The following SLIT3 variants were observed in gnomAD, a reference collection of about 807,000 sequenced individuals.
The protein encoded by SLIT3 is slit guidance ligand 3.
Under a neutral mutation model 184.0 loss-of-function variants are expected in SLIT3, and 68 were observed. That is an observed-to-expected ratio of 0.37 (90% CI 0.30 to 0.45). The LOEUF (loss-of-function observed/expected upper bound fraction) is 0.45. Ranked by LOEUF, SLIT3 falls within the 20% of genes least tolerant of loss-of-function variation. SLIT3 has a pLI of 1.00. For missense variants in SLIT3, 1,707 were observed against 2,026.0 expected (o/e 0.84, Z 3.02); for synonymous variants, 831 against 828.6 (o/e 1.00, Z -0.05).
At chr5:169,029,841 G>A (rs1313428258) in intron 4 of SLIT3, among the ~76,000 whole-genome samples, 1 of 152,088 alleles carries the variant, frequency 6.6e-6, no homozygotes, top group Non-Finnish European at 1.5e-5. Context: ...TGTAATTTAG[G>A]GGCAATTAGC....
At chr5:169,116,402 C>A (rs750996832) in intron 4 of SLIT3, among the ~76,000 whole-genome samples, 1 of 152,024 alleles carries the variant, frequency 6.6e-6, no homozygotes, top group Non-Finnish European at 1.5e-5. Context: ...GTTAGGACTT[C>A]ATCATTGGCA....
At chr5:168,937,381 T>C (rs537652665) in intron 4 of SLIT3, among the ~76,000 whole-genome samples, 92 of 152,196 alleles carry the variant, frequency 6.0e-4, no homozygotes, top group African/African-American at 2.0e-3. Context: ...GGGAAATGAA[T>C]TGAACGAAGA....
chr5:169,161,982 G>A (rs573847020), intron 4 of SLIT3, among the ~76,000 whole-genome samples: 222 of 143,606 alleles, frequency 1.5e-3, no homozygotes, highest in African/African-American at 5.3e-3. Context: ...GTGCCAACAC[G>A]TGTTTAGCAC....
At position 168,721,097 on chromosome 5, in the gene SLIT3, A is replaced by C. The variant is rs1006697391; in HGVS notation, c.2483+1159T>G. ...GTTAGACGAAGAAAACTGTCCCATA[A>C]AATATGTTGATCACTATTATAGTAA... On this transcript the variant is annotated intron_variant, in intron 23 of 35. Coordinates refer to ENST00000519560, the MANE Select transcript of SLIT3 (RefSeq NM_003062.4). 3.3e-5 allele frequency among the ~76,000 whole-genome samples: 5 copies of C among 152,170 alleles called. No homozygotes were observed. The East Asian group carries it at 9.6e-4, about 29-fold the overall frequency.
At chr5:169,084,707 C>G (rs1413514620) in intron 4 of SLIT3, among the ~76,000 whole-genome samples, 3 of 152,208 alleles carry the variant, frequency 2.0e-5, no homozygotes, top group Non-Finnish European at 2.9e-5. Context: ...GGTCCATACC[C>G]CTGGGTGACA....
chr5:169,187,528 CT>C (rs370443275), intron 4 of SLIT3, among the ~76,000 whole-genome samples: 9 of 150,532 alleles, frequency 6.0e-5, no homozygotes, highest in East Asian at 2.0e-4. Context: ...CAAGGATAAA[CT>C]TTTTTTCTTT....
rs114452127 is a variant in SLIT3 at position 169,115,722 on chromosome 5, C to A, written c.413+77757G>T. On this transcript the variant is annotated intron_variant, in intron 4 of 35. Coordinates refer to ENST00000519560, the MANE Select transcript of SLIT3 (RefSeq NM_003062.4). ...ACCAGAATATCTAATTTAATCCTTACAAGTATTTGTATAAAATGAGAGTCA... is the reference window on the plus strand; with the variant it reads ...ACCAGAATATCTAATTTAATCCTTAAAAGTATTTGTATAAAATGAGAGTCA... Among the ~76,000 whole-genome samples, 589 of 152,280 alleles carry A rather than the reference C, an allele frequency of 3.9e-3. 1 individual carries two copies. The highest frequency in any genetic ancestry group is 6.6e-3 in the Non-Finnish European group (452 of 68,034).
chr5:169,157,128 G>A (rs568760878), intron 4 of SLIT3, among the ~76,000 whole-genome samples: 1 of 152,314 alleles, frequency 6.6e-6, no homozygotes, highest in East Asian at 1.9e-4. Context: ...AGGCCAAGTA[G>A]GGAGCTAGGA....
chr5:168,693,599 A>C (rs1174493654), intron 28 of SLIT3, among the ~76,000 whole-genome samples: 1 of 152,146 alleles, frequency 6.6e-6, no homozygotes. Flanking sequence ...AGGTCAAGCC[A>C]GATGGAGAGT....
At chr5:168,899,803 C>CCAAG (rs1554157677) in intron 4 of SLIT3, among the ~76,000 whole-genome samples, 2 of 28,288 alleles carry the variant, frequency 7.1e-5, no homozygotes, top group Non-Finnish European at 1.9e-4. Flanking sequence ...AACATTGCCC[C>CCAAG]TAAGATGACA....
At chr5:168,899,666 T>C (rs1483055244) in intron 4 of SLIT3, among the ~76,000 whole-genome samples, 2 of 152,228 alleles carry the variant, frequency 1.3e-5, no homozygotes, top group Admixed American at 6.5e-5. Flanking sequence ...ACAGTGATGA[T>C]TGCCATAAAG....
At chr5:168,866,098 A>G (rs17070563) in intron 5 of SLIT3, among the ~76,000 whole-genome samples, 9,424 of 152,226 alleles carry the variant, frequency 0.062, 654 homozygotes, top group African/African-American at 0.17. Context: ...TCTCTACAAG[A>G]TGTGTGGATT....
chr5:169,057,949 G>C (rs1395096967), intron 4 of SLIT3, among the ~76,000 whole-genome samples: 1 of 152,174 alleles, frequency 6.6e-6, no homozygotes, highest in Non-Finnish European at 1.5e-5. Context: ...GCTGATAGAG[G>C]CTTAAGATCA....
In SLIT3 at chr5:169,163,729, A is replaced by C. The variant is rs574736994; in HGVS notation, c.413+29750T>G. On this transcript the variant is annotated intron_variant, in intron 4 of 35. Coordinates refer to ENST00000519560, the MANE Select transcript of SLIT3 (RefSeq NM_003062.4). ...AAATCTGGATATTTTATCATTGCAG[A>C]GAGCATATCGGGAAATACTAAGGAA... 7.9e-5 allele frequency among the ~76,000 whole-genome samples: 12 copies of C among 152,282 alleles called. No homozygotes were observed. In the East Asian group the frequency reaches 2.1e-3, roughly 27 times the overall value.
intron 4 of SLIT3, 51 bp downstream of exon 4, chr5:169,193,428 A>T (rs751117547): frequency 1.3e-6 from 2 of 1,496,574 alleles, no homozygotes; most frequent in South Asian, 1.1e-5. Context: ...CCTCCACATC[A>T]CCCAAGCCAG....
chr5:168,677,033 AAGTGCTGGGTTCTGCAGTGCCCC>A (rs1356311737), intron 32 of SLIT3, among the ~76,000 whole-genome samples: 2 of 152,164 alleles, frequency 1.3e-5, no homozygotes, highest in Non-Finnish European at 2.9e-5. Flanking sequence ...GCCCTAGACA[AAGTGCTGGGTTCTGCAGTGCCCC>A]AGTGCTGGGC....
intron 4 of SLIT3, chr5:169,012,478 G>A (rs1017617565): frequency 3.3e-5 from 5 of 152,208 alleles, no homozygotes; most frequent in African/African-American, 1.2e-4. Context: ...TTCCGCCCCA[G>A]GTCTGGCAAC....
At chr5:169,193,296 G>A (rs1241282157) in intron 4 of SLIT3, among the ~76,000 whole-genome samples, 183 bp downstream of exon 4, 2 of 152,166 alleles carry the variant, frequency 1.3e-5, no homozygotes, top group African/African-American at 4.8e-5. Flanking sequence ...GAGAGAAGGA[G>A]CAAGAAGTCA....
chr5:168,718,491 G>A (rs1300738064), intron 23 of SLIT3, among the ~76,000 whole-genome samples: 3 of 152,086 alleles, frequency 2.0e-5, no homozygotes, highest in Non-Finnish European at 4.4e-5. Context: ...GACTTGGTGT[G>A]GAGCAAAGAT....
Sources: gnomAD v4.1 joint callset for allele counts (sites outside exome capture counted in the v4.1 genomes callset) on GRCh38, gnomAD v4.1.1 for gene constraint, MANE v1.5 for transcripts, NCBI Gene and HGNC (gene_info 2026-07-23, HGNC 2026-07-21) for gene names.